Variants in LGMN observed in about 807,000 individuals in gnomAD.
LGMN encodes legumain, also known as asparaginyl endopeptidase.
A neutral mutation model predicts 56.8 loss-of-function variants in LGMN; 36 were observed. The ratio of observed to expected loss-of-function variants is 0.63; its 90% CI spans 0.49 to 0.84. The LOEUF is 0.84. LGMN is among the 40% of genes least tolerant of loss of function. The pLI, the probability that LGMN is intolerant of heterozygous loss-of-function variation, is 0.00. For synonymous variants in LGMN, 199 were observed against 210.1 expected, an observed-to-expected ratio of 0.95 and a Z score of 0.46; for missense variants, 446 against 556.1, an observed-to-expected ratio of 0.80 and a Z score of 1.99.
At chr14:92,717,265 C>G (rs899041656) in intron 4 of LGMN, 115 bp downstream of exon 4, 5 of 624,128 alleles carry the variant, frequency 8.0e-6, no homozygotes, top group African/African-American at 7.3e-5. Flanking sequence ...GAATGTGAAA[C>G]ACCGACCAGA....
chr14:92,743,933 A>G (rs576294595), intron 1 of LGMN, among the ~76,000 whole-genome samples: 2 of 152,054 alleles, frequency 1.3e-5, no homozygotes, highest in Non-Finnish European at 2.9e-5. Flanking sequence ...AGGTGGGCGG[A>G]TTACAAGGTC....
intron 1 of LGMN, among the ~76,000 whole-genome samples, chr14:92,738,889 T>G (rs1595564110): frequency 1.3e-5 from 2 of 151,616 alleles, no homozygotes; most frequent in Admixed American, 6.6e-5. Flanking sequence ...CGTGGTGGTA[T>G]GTACCTGTAG....
In LGMN at chr14:92,714,844, C is replaced by T. The variant is rs1323697057; in HGVS notation, c.405-393G>A. Among the ~76,000 whole-genome samples, 2 of 152,168 alleles carry T rather than the reference C, an allele frequency of 1.3e-5. No individual in the cohort carries two copies. The highest frequency in any genetic ancestry group is 4.8e-5 in the African/African-American group (2 of 41,448). ...CAACACAGGCCTGCAGCCTCCCCCCCTCCAGGCCTCCTGTGGCCCACAGTC... is the reference window on the plus strand; with the variant it reads ...CAACACAGGCCTGCAGCCTCCCCCCTTCCAGGCCTCCTGTGGCCCACAGTC... On this transcript the variant is annotated intron_variant, in intron 5 of 13. Coordinates refer to ENST00000334869, the MANE Select transcript of LGMN (RefSeq NM_005606.7). The surrounding 1 kb of genome is among the most constrained non-coding windows in gnomAD (Gnocchi z 5.1).
chr14:92,717,527 C>T (rs1890130876), intron 3 of LGMN, 66 bp from the exon 4 acceptor site: 1 of 1,193,808 alleles, frequency 8.4e-7, no homozygotes, highest in Non-Finnish European at 1.2e-6. Context: ...TCTTCAAACA[C>T]ATGTATGTTA....
intron 11 of LGMN, among the ~76,000 whole-genome samples, chr14:92,709,430 G>T (rs1477138426): frequency 2.0e-5 from 3 of 152,208 alleles, no homozygotes; most frequent in African/African-American, 7.2e-5. Context: ...ACGATACAGG[G>T]GAGATAGGCC....
Position 92,714,994 on chromosome 14 carries a change from ATTTTTTTTTT to A in LGMN, c.405-553_405-544del, listed in dbSNP as rs780256263. Among the ~76,000 whole-genome samples, 1 of 127,390 alleles carries A rather than the reference ATTTTTTTTTT, an allele frequency of 7.8e-6. No individual in the cohort carries two copies. The highest frequency in any genetic ancestry group is 1.6e-5 in the Non-Finnish European group (1 of 61,000). The allele number at this position is 127,390 out of a possible 152,430, so 83.6% of individuals were successfully genotyped here. The stretch of plus-strand genomic sequence containing the variant: ...CTCACAGATGTCCATCTCCATACTA[ATTTTTTTTTT>A]TTTTTTTTTTTTGAGATGGAGTCTT... On this transcript the variant is annotated intron_variant, in intron 5 of 13. Coordinates refer to ENST00000334869, the MANE Select transcript of LGMN (RefSeq NM_005606.7). The surrounding 1 kb of genome is among the most constrained non-coding windows in gnomAD (Gnocchi z 5.1).
intron 1 of LGMN, among the ~76,000 whole-genome samples, chr14:92,740,874 G>A (rs1259942972): frequency 1.3e-5 from 2 of 152,136 alleles, no homozygotes; most frequent in Non-Finnish European, 2.9e-5. Flanking sequence ...GCTATACCAG[G>A]TCAGTAATTC....
chr14:92,713,750 G>T, intron 7 of LGMN, 73 bp downstream of exon 7: 1 of 1,003,336 alleles, frequency 1.0e-6, no homozygotes, highest in Non-Finnish European at 1.6e-6. Context: ...ACGGTCACGG[G>T]ACTGTGGGCT....
chr14:92,725,397 T>G (rs994918797), intron 2 of LGMN, among the ~76,000 whole-genome samples: 1 of 151,750 alleles, frequency 6.6e-6, no homozygotes, highest in African/African-American at 2.4e-5. Context: ...AAAAAAAATT[T>G]TTAACTAGCT....
At position 92,713,859 on chromosome 14, in the gene LGMN, G is replaced by A. The variant is rs766311767; in HGVS notation, c.507C>T (p.Thr169=). Residue 169 remains threonine, a synonymous_variant, in exon 7 of 14, where the codon ACC becomes ACT. Transcript: ENST00000334869. ...EDLHVKDLNE[T]IHYMYKHKMY... ...TTTTGTGTTTGTACATGTAATGGAT[G>A]GTCTCATTCAGGTCCTTTACATGAA... 5 of 1,612,950 alleles carry A rather than the reference G, an allele frequency of 3.1e-6. No individual in the cohort carries two copies. The highest frequency in any genetic ancestry group is 2.7e-5 in the African/African-American group (2 of 74,860).
chr14:92,716,090 G>A (rs1890058494), intron 5 of LGMN, 46 bp downstream of exon 5: 1 of 1,286,628 alleles, frequency 7.8e-7, no homozygotes, highest in South Asian at 1.3e-5. Flanking sequence ...CTATACGGGG[G>A]TCCCAAGCCA....
intron 3 of LGMN, 110 bp downstream of exon 3, chr14:92,718,637 T>C: frequency 1.8e-6 from 1 of 571,390 alleles, no homozygotes; most frequent in Non-Finnish European, 3.2e-6. Flanking sequence ...TGTCTGGGAG[T>C]CTCTTATATA....
intron 2 of LGMN, among the ~76,000 whole-genome samples, chr14:92,721,778 C>T (rs1890492254): frequency 6.6e-6 from 1 of 152,196 alleles, no homozygotes. Context: ...CATAAGTTCA[C>T]ATAAATGGAA....
chr14:92,732,237 C>A (rs76840835), intron 2 of LGMN, among the ~76,000 whole-genome samples: 1 of 152,276 alleles, frequency 6.6e-6, no homozygotes, highest in Non-Finnish European at 1.5e-5. Context: ...CTGGAGAATT[C>A]TGCGTTATTA....
intron 1 of LGMN, among the ~76,000 whole-genome samples, chr14:92,740,607 CAGGGCCCG>C (rs1891504325): frequency 6.6e-6 from 1 of 152,220 alleles, no homozygotes; most frequent in Non-Finnish European, 1.5e-5. Context: ...CCCTGCACCC[CAGGGCCCG>C]AGCACAGAGC....
At chr14:92,718,991 C>G (rs184181351) in intron 2 of LGMN, 147 bp from the exon 3 acceptor site, 285 of 581,300 alleles carry the variant, frequency 4.9e-4, no homozygotes, top group African/African-American at 3.5e-3. Flanking sequence ...AAAACACATA[C>G]ATTGATATTT....
At chr14:92,721,130 G>A (rs918297362) in intron 2 of LGMN, among the ~76,000 whole-genome samples, 4 of 152,138 alleles carry the variant, frequency 2.6e-5, no homozygotes, top group Non-Finnish European at 2.9e-5. Flanking sequence ...GGGCTCAAGC[G>A]ATCCTCCCAC....
In LGMN at chr14:92,718,805, C is replaced by T; in HGVS notation, c.178G>A (p.Gly60Arg). 6.2e-7 allele frequency: 1 copy of T among 1,613,342 alleles called. No individual in the cohort carries two copies. Among genetic ancestry groups the T allele is most frequent in the Non-Finnish European group, 8.5e-7 (1 of 1,179,554 alleles). ...CHAYQIIHRN[G>R]IPDEQIVVMM... ...ACAACGATCTGTTCGTCAGGAATCC[C>T]ATTGCGGTGAATGATCTGGTAGGCA... The change falls in exon 3 of 14, where the codon GGG becomes AGG. Residue 60 changes from glycine (G) to arginine (R), a missense_variant. Transcript: ENST00000334869.
rs1211514717 is a variant in LGMN, at chr14:92,719,129, C to T, written c.139-285G>A. The stretch of plus-strand genomic sequence containing the variant: ...GCACATACACACCCCACCACCACAA[C>T]CACCGCCACCGCCACCACCACCGCC... On this transcript the variant is annotated intron_variant, in intron 2 of 13. Coordinates refer to ENST00000334869, the MANE Select transcript of LGMN (RefSeq NM_005606.7). Among the ~76,000 whole-genome samples the T allele has an allele frequency of 1.4e-3, 211 of 147,920 alleles. 5 individuals carry two copies. The South Asian group carries it at 0.043, about 30-fold the overall frequency.
Sources: gnomAD v4.1 joint callset for allele counts (sites outside exome capture counted in the v4.1 genomes callset) on GRCh38, gnomAD v4.1.1 for gene constraint, Gnocchi (gnomAD v3.1) non-coding constraint, MANE v1.5 for transcripts, NCBI Gene and HGNC (gene_info 2026-07-23, HGNC 2026-07-21) for gene names.